Variants in ARHGEF12 observed in about 807,000 individuals in gnomAD.
ARHGEF12 encodes KMT2A/ARHGEF12 fusion protein.
In ARHGEF12, 66 loss-of-function variants were observed where a neutral mutation model predicts 211.2. The ratio of observed to expected loss-of-function variants is 0.31; its 90% confidence interval spans 0.26 to 0.38. ARHGEF12 has a LOEUF of 0.38. ARHGEF12 is among the 10% of genes least tolerant of loss of function. ARHGEF12 has a pLI of 1.00. For missense variants in ARHGEF12, 1,429 were observed against 1,869.5 expected (o/e 0.76, Z 4.34); for synonymous variants, 592 against 638.4 (o/e 0.93, Z 1.09).
At chr11:120,453,027 A>AAC (rs1274085410) in intron 22 of ARHGEF12, among the ~76,000 whole-genome samples, 7 of 150,648 alleles carry the variant, frequency 4.6e-5, no homozygotes, top group Admixed American at 4.6e-4. Context: ...ACAAAAAAAA[A>AAC]CGACAAGATA....
At chr11:120,363,059 C>T in intron 1 of ARHGEF12, among the ~76,000 whole-genome samples, 1 of 152,138 alleles carries the variant, frequency 6.6e-6, no homozygotes, top group Non-Finnish European at 1.5e-5. Flanking sequence ...GAGATCGCAC[C>T]ACTGCACTCC....
At chr11:120,417,028 G>A (rs762339749) in intron 4 of ARHGEF12, among the ~76,000 whole-genome samples, 57 of 152,252 alleles carry the variant, frequency 3.7e-4, no homozygotes, top group Admixed American at 6.5e-4. Context: ...AAAATCCAAG[G>A]TCAACCTCCC....
intron 3 of ARHGEF12, 28 bp downstream of exon 3, chr11:120,407,851 G>A (rs912407136): frequency 2.0e-5 from 31 of 1,580,862 alleles, no homozygotes; most frequent in Admixed American, 1.7e-5. Context: ...CTTTCAAAGA[G>A]TATTGAGAGT....
chr11:120,433,525 T>C (rs1227114271), intron 11 of ARHGEF12, among the ~76,000 whole-genome samples: 1 of 152,234 alleles, frequency 6.6e-6, no homozygotes, highest in Admixed American at 6.5e-5. Context: ...GACTGTCTTG[T>C]CTGACTTTAT....
chr11:120,467,673 T>C (rs994174328), intron 29 of ARHGEF12, among the ~76,000 whole-genome samples: 2 of 144,796 alleles, frequency 1.4e-5, no homozygotes, highest in Non-Finnish European at 3.0e-5. Flanking sequence ...ACTCCTGGCC[T>C]CAAGCAGTCC....
At chr11:120,378,861 T>C (rs574333959) in intron 1 of ARHGEF12, among the ~76,000 whole-genome samples, 1 of 152,332 alleles carries the variant, frequency 6.6e-6, no homozygotes, top group Admixed American at 6.5e-5. Context: ...ATTTATTACC[T>C]TAGCTTTAAG....
chr11:120,388,658 T>A (rs1401374389), intron 1 of ARHGEF12, among the ~76,000 whole-genome samples: 5 of 152,192 alleles, frequency 3.3e-5, no homozygotes. Flanking sequence ...GCCATTTTAC[T>A]GTGTGTGTGA....
rs1462445832 is a variant in ARHGEF12 at position 120,441,764 on chromosome 11, C to T, written c.1150C>T (p.His384Tyr). Reference protein sequence around the residue: ...SIELLKSRPAHLAVFLHHVVS... With the variant: ...SIELLKSRPAYLAVFLHHVVS... ...TGAATTACTAAAATCTCGCCCGGCT[C>T]ATTTGGCTGTTTTCTTACACCATGT... The change falls in exon 14 of 41, where the codon CAT (histidine) becomes TAT (tyrosine). Residue 384 changes from histidine (H) to tyrosine (Y), a missense_variant. Around this residue, in one of 7 missense-constraint regions of ARHGEF12, gnomAD observed 11 missense variants for 32.9 expected, o/e 0.33. Transcript: ENST00000397843. 6 of 1,613,776 alleles carry T rather than the reference C, an allele frequency of 3.7e-6. No individual in the cohort carries two copies. Among genetic ancestry groups the T allele is most frequent in the African/African-American group, 1.3e-5 (1 of 74,924 alleles).
chr11:120,400,649 T>C (rs1200430898), intron 1 of ARHGEF12, among the ~76,000 whole-genome samples: 2 of 152,258 alleles, frequency 1.3e-5, no homozygotes, highest in African/African-American at 2.4e-5. Flanking sequence ...TCTAATAAGC[T>C]GTCACATTAA....
chr11:120,489,475 C>G lies in ARHGEF12; in HGVS notation c.*4398C>G, dbSNP rs1372915337. ...ATCCTACCCTAAATGAAGCATATGC[C>G]TCTATTTTTCCTGTCCCCAGTGCTG... On this transcript the variant is annotated 3_prime_UTR_variant, in exon 41 of 41. Transcript: ENST00000397843. The G allele has an allele frequency of 1.3e-5, 3 of 223,310 alleles. No homozygotes were observed. The highest frequency in any genetic ancestry group is 6.7e-5 in the African/African-American group (3 of 44,756). 13.8% of individuals were successfully genotyped at this position (223,310 alleles called of 1,614,324 possible). A position where few individuals can be genotyped will look rare whatever the true frequency, so the allele number is the denominator to read the frequency against.
At chr11:120,446,853 C>T (rs1946062264) in intron 17 of ARHGEF12, 95 bp from the exon 18 acceptor site, 4 of 1,449,496 alleles carry the variant, frequency 2.8e-6, no homozygotes, top group Middle Eastern at 3.6e-4. Flanking sequence ...TTTCCTGTTC[C>T]TAGAAACCAT....
intron 10 of ARHGEF12, among the ~76,000 whole-genome samples, 173 bp downstream of exon 10, chr11:120,430,004 G>A (rs975034040): frequency 2.0e-5 from 3 of 152,136 alleles, no homozygotes; most frequent in South Asian, 2.1e-4. Context: ...AAATGTGGGC[G>A]TCTGATTGTT....
At chr11:120,395,183 A>T (rs1488479218) in intron 1 of ARHGEF12, among the ~76,000 whole-genome samples, 2 of 151,942 alleles carry the variant, frequency 1.3e-5, no homozygotes, top group African/African-American at 4.8e-5. Flanking sequence ...TACAATATGT[A>T]AATATATATT....
At chr11:120,476,631 A>G in intron 33 of ARHGEF12, 30 bp from the exon 34 acceptor site, 1 of 1,583,288 alleles carries the variant, frequency 6.3e-7, no homozygotes, top group Non-Finnish European at 8.7e-7. Flanking sequence ...AGGTCATAGT[A>G]TTAGAGTAAT....
chr11:120,385,214 C>CT, intron 1 of ARHGEF12: 3 of 719,028 alleles, frequency 4.2e-6, no homozygotes, highest in Non-Finnish European at 5.1e-6. Context: ...ATGCTGTTCT[C>CT]TGTCTTTCCA....
chr11:120,397,335 G>A (rs188587325), intron 1 of ARHGEF12, among the ~76,000 whole-genome samples: 2 of 152,228 alleles, frequency 1.3e-5, no homozygotes, highest in East Asian at 1.9e-4. Context: ...AATTGATCTC[G>A]GGGACGAGTG....
Position 120,449,126 on chromosome 11 carries a change from TAAA to T in ARHGEF12, c.1756_1758del (p.Lys586del). Reference sequence around the variant, plus strand: ...AACTCTAGCAAAGTATGAAGAAAGATAAAGAAGGGGAAGAAAAAGGGAAGCGAA... The same window carrying T: ...AACTCTAGCAAAGTATGAAGAAAGATGAAGGGGAAGAAAAAGGGAAGCGAA... On this transcript the variant is annotated inframe_deletion, in exon 21 of 41. Coordinates refer to ENST00000397843, the MANE Select transcript of ARHGEF12 (RefSeq NM_015313.3). 6.2e-7 allele frequency: 1 copy of T among 1,613,940 alleles called. No homozygotes were observed. The highest frequency in any genetic ancestry group is 8.5e-7 in the Non-Finnish European group (1 of 1,179,948).
chr11:120,373,766 A>G (rs1291341781), intron 1 of ARHGEF12, among the ~76,000 whole-genome samples: 1 of 152,178 alleles, frequency 6.6e-6, no homozygotes, highest in Non-Finnish European at 1.5e-5. Flanking sequence ...TGGCAATTTA[A>G]GAAACTACTT....
At chr11:120,412,703 CAG>C (rs1944921516) in intron 4 of ARHGEF12, among the ~76,000 whole-genome samples, 1 of 152,182 alleles carries the variant, frequency 6.6e-6, no homozygotes, top group Non-Finnish European at 1.5e-5. Context: ...CCCATAAATT[CAG>C]AGTGACCAAA....
Sources: allele counts gnomAD v4.1 joint callset (sites outside exome capture counted in the v4.1 genomes callset), GRCh38; gene constraint gnomAD v4.1.1; regional missense constraint gnomAD v4.1.1; transcripts MANE v1.5; gene names NCBI Gene and HGNC (gene_info 2026-07-23, HGNC 2026-07-21).